Variants in SLC8A1 observed in about 807,000 individuals in gnomAD.
SLC8A1 encodes sodium/calcium exchanger 1.
SLC8A1 carries 18 observed loss-of-function variants against 68.3 expected under a neutral mutation model. That is an observed-to-expected ratio of 0.26 (90% CI 0.18 to 0.39). The LOEUF is 0.39. Ranked by LOEUF, SLC8A1 falls within the 10% of genes least tolerant of loss-of-function variation. SLC8A1 has a pLI of 1.00. For missense variants in SLC8A1, 985 were observed against 1,156.7 expected (o/e 0.85, Z 2.15); for synonymous variants, 475 against 415.5 (o/e 1.14, Z -1.74).
intron 2 of SLC8A1, among the ~76,000 whole-genome samples, chr2:40,342,098 T>C (rs1341600946): frequency 6.6e-6 from 1 of 152,158 alleles, no homozygotes; most frequent in East Asian, 1.9e-4. Context: ...GTCCAAGAGT[T>C]AGTAAAGTTT....
chr2:40,145,602 G>A (rs558493551), intron 6 of SLC8A1, among the ~76,000 whole-genome samples: 1 of 152,074 alleles, frequency 6.6e-6, no homozygotes, highest in African/African-American at 2.4e-5. Context: ...ACATATTTCT[G>A]TTTCTCTTTT....
intron 2 of SLC8A1, among the ~76,000 whole-genome samples, chr2:40,409,491 C>A (rs559380626): frequency 1.5e-4 from 23 of 152,180 alleles, no homozygotes; most frequent in African/African-American, 4.8e-4. Context: ...CACAAATAAT[C>A]AGAAACATTC....
intron 2 of SLC8A1, among the ~76,000 whole-genome samples, chr2:40,310,922 A>G (rs1441006665): frequency 6.6e-6 from 1 of 152,192 alleles, no homozygotes; most frequent in Non-Finnish European, 1.5e-5. Context: ...GCTTAAAAGA[A>G]AAGTTTGATG....
At chr2:40,104,713 T>C (rs1199459328) in exon 8 of SLC8A1, 1 of 152,184 alleles carries the variant, frequency 6.6e-6, no homozygotes, top group East Asian at 1.9e-4. Context: ...TATAATACTT[T>C]GCACAAAATA....
chr2:40,267,126 A>G (rs966357427), intron 2 of SLC8A1, among the ~76,000 whole-genome samples: 9 of 152,218 alleles, frequency 5.9e-5, no homozygotes, highest in Admixed American at 4.6e-4. Flanking sequence ...CTGGTACCAC[A>G]ATAATGGTGA....
At chr2:40,376,495 C>G (rs1474359772) in intron 2 of SLC8A1, among the ~76,000 whole-genome samples, 1 of 152,104 alleles carries the variant, frequency 6.6e-6, no homozygotes, top group African/African-American at 2.4e-5. Flanking sequence ...AGGTCTCACT[C>G]TCTGTTGTCA....
At chr2:40,188,576 CT>C (rs2051148612) in intron 2 of SLC8A1, among the ~76,000 whole-genome samples, 1 of 152,226 alleles carries the variant, frequency 6.6e-6, no homozygotes, top group African/African-American at 2.4e-5. Context: ...TACCTTTGGT[CT>C]TTCTTCCTAT....
At chr2:40,402,283 G>C (rs561367563) in intron 2 of SLC8A1, among the ~76,000 whole-genome samples, 2 of 152,196 alleles carry the variant, frequency 1.3e-5, no homozygotes, top group African/African-American at 2.4e-5. Context: ...ACATCAGGAA[G>C]TTAACATGTA....
chr2:40,338,548 T>G (rs1340038140), intron 2 of SLC8A1, among the ~76,000 whole-genome samples: 2 of 152,164 alleles, frequency 1.3e-5, no homozygotes, highest in African/African-American at 4.8e-5. Context: ...TTCTGCTCTG[T>G]AAACATCCTC....
intron 2 of SLC8A1, among the ~76,000 whole-genome samples, chr2:40,211,018 A>G (rs1461187984): frequency 6.6e-6 from 1 of 152,194 alleles, no homozygotes; most frequent in African/African-American, 2.4e-5. Flanking sequence ...TCACCTTTGG[A>G]AAAGCCAGGC....
intron 2 of SLC8A1, among the ~76,000 whole-genome samples, chr2:40,303,005 G>A (rs1255744885): frequency 6.6e-6 from 1 of 152,138 alleles, no homozygotes; most frequent in African/African-American, 2.4e-5. Context: ...TAAACATTTA[G>A]AAGAGGGAAA....
chr2:40,190,483 C>G (rs2051580655), intron 2 of SLC8A1: 1 of 152,176 alleles, frequency 6.6e-6, no homozygotes, highest in South Asian at 2.1e-4. Flanking sequence ...CTGCTAAAAT[C>G]TAATTCACCA....
chr2:40,382,276 C>G (rs184457175), intron 2 of SLC8A1, among the ~76,000 whole-genome samples: 1 of 152,122 alleles, frequency 6.6e-6, no homozygotes, highest in Non-Finnish European at 1.5e-5. Flanking sequence ...TAACCAATCT[C>G]TACTTAATGA....
intron 2 of SLC8A1, among the ~76,000 whole-genome samples, chr2:40,205,450 T>C (rs1381861233): frequency 1.3e-5 from 2 of 151,990 alleles, no homozygotes; most frequent in Non-Finnish European, 2.9e-5. Flanking sequence ...TATTCCATGG[T>C]GTATATGTAC....
intron 2 of SLC8A1, among the ~76,000 whole-genome samples, chr2:40,308,265 G>T (rs1014197645): frequency 1.3e-5 from 2 of 152,162 alleles, no homozygotes; most frequent in African/African-American, 4.8e-5. Flanking sequence ...AAATTGGAGT[G>T]ATATAAACTT....
chr2:40,231,998 G>A (rs1013851371), intron 2 of SLC8A1, among the ~76,000 whole-genome samples: 2 of 152,036 alleles, frequency 1.3e-5, no homozygotes, highest in South Asian at 2.1e-4. Flanking sequence ...CTGAGATGAA[G>A]AATCTAATAA....
chr2:40,348,635 G>A (rs1279796757), intron 2 of SLC8A1, among the ~76,000 whole-genome samples: 4 of 152,188 alleles, frequency 2.6e-5, no homozygotes, highest in Non-Finnish European at 5.9e-5. Context: ...GTTCTCAGAA[G>A]TACGGGGATG....
chr2:40,189,385 A>G lies in SLC8A1; in HGVS notation c.1809-11530T>C, dbSNP rs193194178. Among the ~76,000 whole-genome samples the G allele has an allele frequency of 1.1e-3, 166 of 152,298 alleles. 1 individual carries two copies. Among genetic ancestry groups the G allele is most frequent in the East Asian group, 3.1e-3 (16 of 5,182 alleles). On this transcript the variant is annotated intron_variant, in intron 2 of 7. Coordinates refer to ENST00000406785, the Ensembl canonical transcript of SLC8A1. Reference sequence around the variant, plus strand: ...GCCCAGTCTGTAGTGCAGTGGTGCAATCTCGGCTCACTGTAACCTCTGCCT... The same window carrying G: ...GCCCAGTCTGTAGTGCAGTGGTGCAGTCTCGGCTCACTGTAACCTCTGCCT...
chr2:40,448,128 A>G (rs72798678), intron 1 of SLC8A1, among the ~76,000 whole-genome samples: 156 of 149,940 alleles, frequency 1.0e-3, no homozygotes, highest in Non-Finnish European at 1.9e-3. Flanking sequence ...ACTGGAAAAT[A>G]CATCAGAAAA....
Sources: gnomAD v4.1 joint callset for allele counts (sites outside exome capture counted in the v4.1 genomes callset) on GRCh38, gnomAD v4.1.1 for gene constraint, MANE v1.5 for transcripts, NCBI Gene and HGNC (gene_info 2026-07-23, HGNC 2026-07-21) for gene names.